CSTPP1: variants seen among roughly 807,000 people sequenced by gnomAD.
The protein encoded by CSTPP1 is UPF0705 protein C11orf49.
At chr11:47,068,869 T>C in the CSTPP1 span, among the ~76,000 whole-genome samples, 7 of 152,126 alleles carry the variant, frequency 4.6e-5, no homozygotes, top group African/African-American at 1.7e-4. Flanking sequence ...TTCATGCCAA[T>C]ATAGTCCTGG....
the CSTPP1 span, among the ~76,000 whole-genome samples, chr11:47,105,800 A>C: frequency 5.2e-4 from 79 of 152,342 alleles, no homozygotes; most frequent in African/African-American, 1.8e-3. Flanking sequence ...CAAGCACATA[A>C]AATGCAAGCT....
the CSTPP1 span, among the ~76,000 whole-genome samples, chr11:47,009,311 C>T: frequency 2.6e-5 from 4 of 152,116 alleles, no homozygotes; most frequent in African/African-American, 9.7e-5. Context: ...AGGAAGAACT[C>T]TTTTAAAACT....
the CSTPP1 span, among the ~76,000 whole-genome samples, chr11:46,956,684 T>A: frequency 1.3e-5 from 2 of 152,160 alleles, no homozygotes; most frequent in Non-Finnish European, 2.9e-5. Context: ...CAATTTTTTT[T>A]TGCTGTGTAC....
the CSTPP1 span, among the ~76,000 whole-genome samples, chr11:47,097,599 G>A: frequency 5.3e-5 from 5 of 94,498 alleles, no homozygotes; most frequent in South Asian, 4.6e-4. Flanking sequence ...TCAGCCCTCC[G>A]CCCGGCCAGC....
At chr11:46,938,837 G>A in the CSTPP1 span, among the ~76,000 whole-genome samples, 138 of 147,880 alleles carry the variant, frequency 9.3e-4, no homozygotes, top group African/African-American at 3.3e-3. Flanking sequence ...GAGTGCAGTG[G>A]CACTATCACG....
At chr11:47,037,525 A>T in the CSTPP1 span, among the ~76,000 whole-genome samples, 1 of 117,362 alleles carries the variant, frequency 8.5e-6, no homozygotes, top group Non-Finnish European at 2.0e-5. Flanking sequence ...TAGGCAGAGG[A>T]CCCTGCGGCC....
chr11:47,071,409 A>C, the CSTPP1 span, among the ~76,000 whole-genome samples: 2 of 152,192 alleles, frequency 1.3e-5, no homozygotes, highest in Non-Finnish European at 2.9e-5. Flanking sequence ...AGAATATACT[A>C]CTTCAGTGTT....
At chr11:47,157,279 G>A in the CSTPP1 span, 26 of 1,493,258 alleles carry the variant, frequency 1.7e-5, no homozygotes, top group African/African-American at 2.3e-4. Context: ...TGCTGGCTGC[G>A]GAACAGAGCT....
chr11:46,985,288 A>G, the CSTPP1 span, among the ~76,000 whole-genome samples: 3 of 152,126 alleles, frequency 2.0e-5, no homozygotes, highest in African/African-American at 4.8e-5. Context: ...GTTGGCAGGT[A>G]AACTTACTTG....
the CSTPP1 span, among the ~76,000 whole-genome samples, chr11:46,955,520 C>T: frequency 6.6e-6 from 1 of 151,962 alleles, no homozygotes; most frequent in Non-Finnish European, 1.5e-5. Flanking sequence ...TGCGCCACCA[C>T]ACCTGGCTAA....
chr11:47,043,229 C>G, the CSTPP1 span, among the ~76,000 whole-genome samples: 1 of 152,134 alleles, frequency 6.6e-6, no homozygotes, highest in Non-Finnish European at 1.5e-5. Flanking sequence ...TGACTGCTAC[C>G]TGAGAAATGG....
At chr11:47,055,091 T>C in the CSTPP1 span, among the ~76,000 whole-genome samples, 2 of 151,648 alleles carry the variant, frequency 1.3e-5, no homozygotes, top group East Asian at 3.9e-4. Flanking sequence ...CACTACCATG[T>C]GTGGCTAATT....
chr11:46,976,203 T>C, the CSTPP1 span, among the ~76,000 whole-genome samples: 7 of 152,370 alleles, frequency 4.6e-5, no homozygotes, highest in African/African-American at 1.7e-4. Flanking sequence ...CAACATATTA[T>C]ATTCGTTTTT....
chr11:47,147,023 T>C, the CSTPP1 span, among the ~76,000 whole-genome samples: 7 of 152,306 alleles, frequency 4.6e-5, no homozygotes, highest in Admixed American at 1.3e-4. Flanking sequence ...CAAGTTTTAG[T>C]AAATCATGGT....
At chr11:47,063,408 C>CATT in the CSTPP1 span, among the ~76,000 whole-genome samples, 14 of 152,192 alleles carry the variant, frequency 9.2e-5, no homozygotes, top group Admixed American at 5.2e-4. Context: ...GTTGTGCAAC[C>CATT]ATTATTACCC....
the CSTPP1 span, among the ~76,000 whole-genome samples, chr11:46,991,033 G>T: frequency 6.6e-6 from 1 of 152,028 alleles, no homozygotes; most frequent in Non-Finnish European, 1.5e-5. Flanking sequence ...CTTCATGAAA[G>T]GATGTGCTAG....
chr11:47,041,040 CTTGTAGGGTT>C, the CSTPP1 span: 1 of 175,988 alleles, frequency 5.7e-6, no homozygotes, highest in Non-Finnish European at 1.3e-5. Flanking sequence ...TGCTACAGGG[CTTGTAGGGTT>C]CCATAAAGAG....
At chr11:46,946,502 C>CA in the CSTPP1 span, among the ~76,000 whole-genome samples, 4 of 152,066 alleles carry the variant, frequency 2.6e-5, no homozygotes, top group African/African-American at 7.2e-5. Flanking sequence ...ACTAAAAATA[C>CA]AAAAAATTAG....
At chr11:47,086,679 A>C in the CSTPP1 span, among the ~76,000 whole-genome samples, 1 of 152,206 alleles carries the variant, frequency 6.6e-6, no homozygotes, top group African/African-American at 2.4e-5. Context: ...CAAGTTATTA[A>C]TTGCTATAAG....
Sources: gnomAD v4.1 joint callset for allele counts (sites outside exome capture counted in the v4.1 genomes callset) on GRCh38, gnomAD v4.1.1 for gene constraint, MANE v1.5 for transcripts, NCBI Gene and HGNC (gene_info 2026-07-23, HGNC 2026-07-21) for gene names.